The following EYS variants were observed in gnomAD, a reference collection of about 807,000 sequenced individuals.
EYS encodes EGF-like photoreceptor maintenance factor.
In EYS, 250 loss-of-function variants were observed where a neutral mutation model predicts 282.1. That is an observed-to-expected ratio of 0.89 (90% confidence interval 0.80 to 0.98). EYS has a LOEUF of 0.98. Ranked by LOEUF, EYS falls within the 50% of genes least tolerant of loss-of-function variation. The pLI is 0.00. For missense variants in EYS, 4,016 were observed against 3,709.0 expected, an observed-to-expected ratio of 1.08 and a Z score of -2.15; for synonymous variants, 1,355 against 1,282.9, an observed-to-expected ratio of 1.06 and a Z score of -1.20.
chr6:64,036,717 G>C (rs372731842), intron 33 of EYS, among the ~76,000 whole-genome samples: 2 of 152,164 alleles, frequency 1.3e-5, no homozygotes, highest in East Asian at 3.8e-4. Context: ...GATAAAGAAG[G>C]AGGCTAAGTA....
chr6:64,073,777 C>CAT (rs145419335), intron 32 of EYS, among the ~76,000 whole-genome samples: 2,020 of 149,218 alleles, frequency 0.014, 15 homozygotes, highest in Middle Eastern at 0.045. Flanking sequence ...TGTGTGTGTG[C>CAT]ATATATATAT....
intron 35 of EYS, among the ~76,000 whole-genome samples, chr6:63,966,285 G>A (rs991585024): frequency 1.3e-5 from 2 of 152,208 alleles, no homozygotes; most frequent in African/African-American, 4.8e-5. Context: ...AACATCATAT[G>A]TTCTCATCGA....
chr6:64,548,491 T>A (rs957288655), intron 26 of EYS, among the ~76,000 whole-genome samples: 5 of 152,124 alleles, frequency 3.3e-5, no homozygotes, highest in African/African-American at 1.2e-4. Flanking sequence ...TGGAATGCTA[T>A]TCAGTCATAA....
chr6:64,344,569 A>G (rs1471319761), intron 29 of EYS, among the ~76,000 whole-genome samples: 1 of 152,174 alleles, frequency 6.6e-6, no homozygotes, highest in East Asian at 1.9e-4. Context: ...AGAGCTATCT[A>G]TGACAAACCC....
At chr6:63,821,131 T>C (rs564394619) in intron 36 of EYS, 1 of 151,910 alleles carries the variant, frequency 6.6e-6, no homozygotes, top group Admixed American at 6.5e-5. Flanking sequence ...TATAATTTTC[T>C]ACATAGAAGT....
intron 12 of EYS, among the ~76,000 whole-genome samples, chr6:65,258,312 C>A (rs1767526203): frequency 6.6e-6 from 1 of 151,958 alleles, no homozygotes; most frequent in African/African-American, 2.4e-5. Context: ...GAGGAGAAAG[C>A]AGCACTTTCC....
chr6:64,633,204 A>G (rs1050253393), intron 22 of EYS, among the ~76,000 whole-genome samples: 4 of 152,180 alleles, frequency 2.6e-5, no homozygotes, highest in African/African-American at 7.2e-5. Context: ...CACTTTAAAA[A>G]CTAGAATATT....
intron 28 of EYS, among the ~76,000 whole-genome samples, chr6:64,411,787 G>A (rs555307931): frequency 1.3e-4 from 19 of 148,768 alleles, no homozygotes; most frequent in Non-Finnish European, 1.6e-4. Flanking sequence ...GTTTGAGGCT[G>A]CAGTGAGCTA....
intron 19 of EYS, among the ~76,000 whole-genome samples, chr6:64,877,107 G>A (rs1027786426): frequency 1.1e-4 from 16 of 152,138 alleles, no homozygotes; most frequent in African/African-American, 3.6e-4. Flanking sequence ...GAAAGTGGTT[G>A]AATTAAAATG....
intron 12 of EYS, among the ~76,000 whole-genome samples, chr6:65,247,961 A>G (rs1767222233): frequency 2.0e-5 from 3 of 152,076 alleles, no homozygotes; most frequent in Non-Finnish European, 4.4e-5. Flanking sequence ...CCTTTATAAA[A>G]CCTGTATAAT....
At chr6:65,285,132 A>C (rs1424341873) in intron 12 of EYS, among the ~76,000 whole-genome samples, 1 of 152,016 alleles carries the variant, frequency 6.6e-6, no homozygotes, top group Non-Finnish European at 1.5e-5. Context: ...TACAAAATTG[A>C]GAAATATATG....
chr6:64,910,928 TA>T (rs1479037851), intron 16 of EYS, among the ~76,000 whole-genome samples: 2 of 152,048 alleles, frequency 1.3e-5, no homozygotes, highest in Non-Finnish European at 1.5e-5. Flanking sequence ...GAAGTTTGTC[TA>T]AAGTGAATAA....
At chr6:63,782,197 T>C (rs1770246669) in intron 39 of EYS, among the ~76,000 whole-genome samples, 1 of 152,236 alleles carries the variant, frequency 6.6e-6, no homozygotes, top group South Asian at 2.1e-4. Context: ...TCAAGGATAT[T>C]GGTCTAAAAT....
intron 22 of EYS, among the ~76,000 whole-genome samples, chr6:64,802,361 C>G (rs1057262420): frequency 6.6e-6 from 1 of 151,848 alleles, no homozygotes; most frequent in African/African-American, 2.4e-5. Flanking sequence ...CGAGTTATAA[C>G]AAATTTCTGA....
At chr6:64,447,128 C>A (rs916882296) in intron 26 of EYS, among the ~76,000 whole-genome samples, 1 of 152,020 alleles carries the variant, frequency 6.6e-6, no homozygotes, top group Non-Finnish European at 1.5e-5. Flanking sequence ...TGTATCACAT[C>A]TTGATTCTTG....
intron 26 of EYS, among the ~76,000 whole-genome samples, chr6:64,450,715 A>G (rs572371989): frequency 7.9e-5 from 12 of 152,216 alleles, no homozygotes; most frequent in Middle Eastern, 3.4e-3. Context: ...ACTCAAAACC[A>G]CTCAACTACA....
At chr6:64,178,995 C>T (rs1243602744) in intron 31 of EYS, among the ~76,000 whole-genome samples, 1 of 151,860 alleles carries the variant, frequency 6.6e-6, no homozygotes, top group East Asian at 1.9e-4. Context: ...TTGTAATAGT[C>T]AGCTTTTAGA....
Position 64,439,205 on chromosome 6 carries a change from T to A in EYS, c.5792A>T (p.Asp1931Val). ...LYVKQDSNLV[D>V]GFFIQLFIEN... The stretch of plus-strand genomic sequence containing the variant: ...AATAAACAATTGAATAAAAAATCCA[T>A]CTACTAAATTTGAGTCTTGCTTGAC... Residue 1931 changes from aspartate (D) to valine (V), a missense_variant, in exon 27 of 43, where the codon GAT (aspartate) becomes GTT (valine). Transcript: ENST00000503581. The A allele has an allele frequency of 6.8e-7, 1 of 1,475,130 alleles. No individual in the cohort carries two copies. Among genetic ancestry groups the A allele is most frequent in the South Asian group, 1.4e-5 (1 of 69,200 alleles). 91.4% of individuals were successfully genotyped at this position (1,475,130 alleles called of 1,614,324 possible).
intron 5 of EYS, among the ~76,000 whole-genome samples, chr6:65,406,242 C>T (rs941977776): frequency 2.6e-5 from 4 of 151,960 alleles, no homozygotes; most frequent in African/African-American, 7.2e-5. Flanking sequence ...CTTTTTAAAT[C>T]TATTAACTAT....
Sources: allele counts gnomAD v4.1 joint callset (sites outside exome capture counted in the v4.1 genomes callset), GRCh38; gene constraint gnomAD v4.1.1; transcripts MANE v1.5; gene names NCBI Gene and HGNC (gene_info 2026-07-23, HGNC 2026-07-21).